SNRNP48: variants seen among roughly 807,000 people sequenced by gnomAD.
SNRNP48 encodes the protein small nuclear ribonucleoprotein U11/U12 subunit 48, also known as U11/U12 small nuclear ribonucleoprotein 48 kDa protein.
In SNRNP48, 43 loss-of-function variants were observed where a neutral mutation model predicts 47.0. The ratio of observed to expected loss-of-function variants is 0.92; its 90% CI spans 0.72 to 1.18. The LOEUF is 1.18. SNRNP48 is among the 50% of genes most tolerant of loss of function. SNRNP48 has a pLI of 0.00. For synonymous variants in SNRNP48, 138 were observed against 144.0 expected (o/e 0.96, Z 0.30); for missense variants, 396 against 422.2 (o/e 0.94, Z 0.54).
chr6:7,607,793 T>TC (rs1330384045), intron 8 of SNRNP48, among the ~76,000 whole-genome samples: 1 of 152,228 alleles, frequency 6.6e-6, no homozygotes, highest in Admixed American at 6.5e-5. Context: ...TAATATCCTG[T>TC]CTCTCCAGGG....
In SNRNP48 at chr6:7,597,421, T is replaced by C. The variant is rs540534103; in HGVS notation, c.406+2320T>C. 7.2e-5 allele frequency among the ~76,000 whole-genome samples: 11 copies of C among 152,342 alleles called. No homozygotes were observed. The South Asian group carries it at 2.3e-3, about 32-fold the overall frequency. ...AGTGCTGTTCATTGTTTATTCTGCT[T>C]TGTGTAAACCTGTTTTAAAGAAATA... On this transcript the variant is annotated intron_variant, in intron 4 of 8. Transcript: ENST00000342415.
chr6:7,591,086 A>G lies in SNRNP48; in HGVS notation c.156+673A>G, dbSNP rs557817382. On this transcript the variant is annotated intron_variant, in intron 1 of 8. Transcript: ENST00000342415. ...ACGTGTCTCAGAGCGCTGCAGAGGG[A>G]TTGGCGGTTTGCATTGTCATCTGTC... 3.3e-5 allele frequency among the ~76,000 whole-genome samples: 5 copies of G among 152,286 alleles called. No individual in the cohort carries two copies. In the South Asian group the frequency reaches 1.0e-3, roughly 32 times the overall value.
At chr6:7,604,872 G>A (rs886257957) in intron 6 of SNRNP48, among the ~76,000 whole-genome samples, 6 of 152,010 alleles carry the variant, frequency 3.9e-5, no homozygotes, top group African/African-American at 1.4e-4. Context: ...TAATTATAAG[G>A]TTTTAAAAAA....
At chr6:7,606,635 C>T (rs1294877596) in intron 8 of SNRNP48, among the ~76,000 whole-genome samples, 1 of 152,060 alleles carries the variant, frequency 6.6e-6, no homozygotes, top group Non-Finnish European at 1.5e-5. Flanking sequence ...TCAATTTTGC[C>T]TTTGTTAGTA....
At chr6:7,592,974 CA>C (rs1759845407) in intron 1 of SNRNP48, among the ~76,000 whole-genome samples, 1 of 151,926 alleles carries the variant, frequency 6.6e-6, no homozygotes, top group Non-Finnish European at 1.5e-5. Flanking sequence ...TAGAAAAGTA[CA>C]AAAGGAATAG....
At position 7,611,952 on chromosome 6, in the gene SNRNP48, G is replaced by A. The variant is rs150585679; in HGVS notation, c.*3079G>A. ...CAGGTGTGTGAATTATTAAACTAAC[G>A]CTCTTTTAAACCACACTTGTTTTAT... On this transcript the variant is annotated 3_prime_UTR_variant, in exon 9 of 9. Coordinates refer to ENST00000342415, the MANE Select transcript of SNRNP48 (RefSeq NM_152551.4). The A allele has an allele frequency of 8.5e-5, 13 of 152,236 alleles. No individual in the cohort carries two copies. The highest frequency in any genetic ancestry group is 2.0e-4 in the Admixed American group (3 of 15,296). 9.4% of individuals were successfully genotyped at this position (152,236 alleles called of 1,614,324 possible).
chr6:7,594,087 C>A lies in SNRNP48; in HGVS notation c.271-12C>A, dbSNP rs1470063281. ...TCTGATACTTAAGAACAGTAAGATT[C>A]TTTTTTTTCAGGATGAAATGTATAA... is the stretch of plus-strand genomic sequence containing the variant. On this transcript the variant is annotated splice_polypyrimidine_tract_variant and intron_variant, in intron 2 of 8. Transcript: ENST00000342415. The A allele has an allele frequency of 2.9e-6, 4 of 1,395,868 alleles. No individual in the cohort carries two copies. The East Asian group carries it at 1.0e-4, about 35-fold the overall frequency. 86.5% of individuals were successfully genotyped at this position (1,395,868 alleles called of 1,614,324 possible). A position where few individuals can be genotyped will look rare whatever the true frequency, so the allele number is the denominator to read the frequency against.
chr6:7,601,207 C>T (rs1760012982), intron 4 of SNRNP48, 129 bp from the exon 5 acceptor site: 9 of 613,946 alleles, frequency 1.5e-5, no homozygotes, highest in Admixed American at 7.9e-5. Context: ...ATTTTGTATA[C>T]TTAGGGATTA....
rs1191592741 is a variant in SNRNP48 at position 7,590,216 on chromosome 6, T to G, written c.-42T>G. The G allele has an allele frequency of 1.7e-5, 22 of 1,273,888 alleles. No individual in the cohort carries two copies. The highest frequency in any genetic ancestry group is 2.1e-5 in the Non-Finnish European group (21 of 1,002,402). 78.9% of individuals were successfully genotyped at this position (1,273,888 alleles called of 1,614,324 possible). On this transcript the variant is annotated 5_prime_UTR_variant, in exon 1 of 9. Coordinates refer to ENST00000342415, the MANE Select transcript of SNRNP48 (RefSeq NM_152551.4). ...AGCTCCCAGAGGCCTGCGCGTGCGGTCTGCAGTTCGGCCGCTTCCTCTTGG... is the reference window on the plus strand; with the variant it reads ...AGCTCCCAGAGGCCTGCGCGTGCGGGCTGCAGTTCGGCCGCTTCCTCTTGG...
chr6:7,599,759 C>T, intron 4 of SNRNP48: 1 of 1,271,140 alleles, frequency 7.9e-7, no homozygotes, highest in East Asian at 5.6e-5. Context: ...AAATGATATC[C>T]TTTTAAAAGT....
Position 7,608,928 on chromosome 6 carries a change from GA to G in SNRNP48, c.*56del. ...CTTACGCCATGATAACCAATATACA[GA>G]TATATTAATTGGAATTCCTTTGCAT... On this transcript the variant is annotated 3_prime_UTR_variant, in exon 9 of 9. Coordinates refer to ENST00000342415, the MANE Select transcript of SNRNP48 (RefSeq NM_152551.4). 1.0e-6 allele frequency: 1 copy of G among 994,656 alleles called. No homozygotes were observed. The highest frequency in any genetic ancestry group is 1.4e-6 in the Non-Finnish European group (1 of 695,836). The allele number at this position is 994,656 out of a possible 1,614,324, so 61.6% of individuals were successfully genotyped here.
intron 6 of SNRNP48, among the ~76,000 whole-genome samples, chr6:7,604,111 TG>T (rs2113722080): frequency 6.6e-6 from 1 of 152,308 alleles, no homozygotes; most frequent in Non-Finnish European, 1.5e-5. Context: ...GCCTATGTGG[TG>T]GAGCCTGAGC....
Position 7,602,756 on chromosome 6 carries a change from A to G in SNRNP48, c.717+12A>G, listed in dbSNP as rs1760052313. Reference sequence around the variant, plus strand: ...AATCATATACTGAGGTAAGTTTTACATAATCTTTGTTGATAAGAATTTCCC... The same window carrying G: ...AATCATATACTGAGGTAAGTTTTACGTAATCTTTGTTGATAAGAATTTCCC... On this transcript the variant is annotated intron_variant, in intron 6 of 8. Coordinates refer to ENST00000342415, the MANE Select transcript of SNRNP48 (RefSeq NM_152551.4). The G allele has an allele frequency of 1.3e-6, 2 of 1,535,460 alleles. No homozygotes were observed. Among genetic ancestry groups the G allele is most frequent in the African/African-American group, 1.4e-5 (1 of 70,766 alleles).
rs1468778678 is a variant in SNRNP48 at position 7,606,104 on chromosome 6, C to T, written c.880C>T (p.Arg294Ter). 11 of 1,612,728 alleles carry T rather than the reference C, an allele frequency of 6.8e-6. No individual in the cohort carries two copies. The highest frequency in any genetic ancestry group is 6.7e-5 in the Admixed American group (4 of 59,806). ...GGSYLDAECS[R>*]HRRDRSRSPH... ...AAGCTATTTGGATGCTGAGTGTTCA[C>T]GACATAGAAGGGATAGGAGTAGAAG... is the stretch of plus-strand genomic sequence containing the variant. The change falls in exon 8 of 9, where the codon CGA (arginine) becomes TGA (stop). Residue 294 changes from arginine to a stop codon, truncating the protein, a stop_gained. Transcript: ENST00000342415. LOFTEE classifies it high-confidence loss of function.
At chr6:7,604,860 C>T (rs1760094706) in intron 6 of SNRNP48, among the ~76,000 whole-genome samples, 1 of 152,060 alleles carries the variant, frequency 6.6e-6, no homozygotes, top group Non-Finnish European at 1.5e-5. Context: ...GTCAAGATGA[C>T]TTAATTATAA....
rs188518111 is a variant in SNRNP48 at position 7,601,551 on chromosome 6, A to G, written c.595+27A>G. The G allele has an allele frequency of 3.2e-4, 476 of 1,510,014 alleles. No individual in the cohort carries two copies. The African/African-American group carries it at 6.2e-3, about 20-fold the overall frequency. The allele number at this position is 1,510,014 out of a possible 1,614,324, so 93.5% of individuals were successfully genotyped here. A position where few individuals can be genotyped will look rare whatever the true frequency, so the allele number is the denominator to read the frequency against. ...TTTGAGATGCACATCATGGCTTTAC[A>G]TTTCTTCATTATCATTTTATTCTAT... On this transcript the variant is annotated intron_variant, in intron 5 of 8. Transcript: ENST00000342415.
chr6:7,596,642 A>G (rs952255790), intron 4 of SNRNP48, among the ~76,000 whole-genome samples: 7 of 152,136 alleles, frequency 4.6e-5, no homozygotes, highest in Admixed American at 3.3e-4. Context: ...CCAGAAGCAC[A>G]TTTCTTGTAT....
chr6:7,602,523 G>T, intron 5 of SNRNP48, 100 bp from the exon 6 acceptor site: 1 of 958,538 alleles, frequency 1.0e-6, no homozygotes, highest in Non-Finnish European at 1.4e-6. Flanking sequence ...GTGCTACTTT[G>T]AAACAAGTTA....
At chr6:7,605,958 C>G in intron 7 of SNRNP48, 73 bp from the exon 8 acceptor site, 1 of 1,422,110 alleles carries the variant, frequency 7.0e-7, no homozygotes, top group South Asian at 1.4e-5. Flanking sequence ...ACACTTTAGA[C>G]TGGTGTGTCT....
Sources: gnomAD v4.1 joint callset for allele counts (sites outside exome capture counted in the v4.1 genomes callset) on GRCh38, gnomAD v4.1.1 for gene constraint, MANE v1.5 for transcripts, NCBI Gene and HGNC (gene_info 2026-07-23, HGNC 2026-07-21) for gene names.